BNIP2: variants seen among roughly 807,000 people sequenced by gnomAD.
The protein encoded by BNIP2 is BCL2 interacting protein 2, also known as BCL2/adenovirus E1B 19 kDa protein-interacting protein 2.
Under a neutral mutation model 43.4 loss-of-function variants are expected in BNIP2, and 36 were observed. That is an observed-to-expected ratio of 0.83 (90% confidence interval 0.64 to 1.10). The LOEUF is 1.10. Ranked by LOEUF, BNIP2 falls within the 50% of genes least tolerant of loss-of-function variation. The pLI is 0.00. For missense variants in BNIP2, 417 were observed against 374.1 expected (o/e 1.11, Z -0.95); for synonymous variants, 146 against 121.0 (o/e 1.21, Z -1.35).
chr15:59,668,511 AT>A (rs1892697005), intron 9 of BNIP2, among the ~76,000 whole-genome samples: 1 of 152,220 alleles, frequency 6.6e-6, no homozygotes, highest in Admixed American at 6.5e-5. Context: ...TAGCAATATG[AT>A]TATTCAATAA....
At chr15:59,677,454 A>C in intron 5 of BNIP2, 3 of 1,423,200 alleles carry the variant, frequency 2.1e-6, no homozygotes, top group Non-Finnish European at 2.8e-6. Flanking sequence ...TGCATCTCAG[A>C]GCCATAGAGC....
At chr15:59,677,301 G>A in intron 5 of BNIP2, 11 of 1,580,154 alleles carry the variant, frequency 7.0e-6, no homozygotes, top group Non-Finnish European at 9.5e-6. Flanking sequence ...ACACCAGAAA[G>A]CCACATCAAC....
chr15:59,677,459 T>C (rs1321242058), intron 5 of BNIP2: 4 of 1,421,920 alleles, frequency 2.8e-6, no homozygotes, highest in Non-Finnish European at 3.7e-6. Flanking sequence ...CTCAGAGCCA[T>C]AGAGCAGGTG....
intron 7 of BNIP2, among the ~76,000 whole-genome samples, chr15:59,670,809 C>T (rs1312459572): frequency 6.6e-6 from 1 of 152,138 alleles, no homozygotes; most frequent in Non-Finnish European, 1.5e-5. Context: ...CGCGGTGGCT[C>T]ACGCCTGTAA....
intron 4 of BNIP2, 193 bp downstream of exon 4, chr15:59,679,398 AG>A: frequency 2.1e-6 from 1 of 469,138 alleles, no homozygotes; most frequent in Non-Finnish European, 3.7e-6. Context: ...ACATGAGAGC[AG>A]TGGGCAAATA....
chr15:59,682,527 A>G lies in BNIP2; in HGVS notation c.-57-13T>C. The stretch of plus-strand genomic sequence containing the variant: ...GGGAGCCAATGTCCTATGAAGAGAG[A>G]AAAATGTATAACTTAATTTCCACTT... On this transcript the variant is annotated splice_polypyrimidine_tract_variant and intron_variant, in intron 1 of 9. Transcript: ENST00000607373. The G allele has an allele frequency of 6.3e-7, 1 of 1,579,224 alleles. No individual in the cohort carries two copies. The highest frequency in any genetic ancestry group is 8.6e-7 in the Non-Finnish European group (1 of 1,162,086).
intron 7 of BNIP2, among the ~76,000 whole-genome samples, chr15:59,670,516 C>T (rs912242772): frequency 2.0e-5 from 3 of 152,220 alleles, no homozygotes; most frequent in African/African-American, 4.8e-5. Flanking sequence ...AAACATACTA[C>T]ATTCTCCATC....
At chr15:59,678,784 A>T (rs1166887010) in intron 4 of BNIP2, 1 of 1,303,104 alleles carries the variant, frequency 7.7e-7, no homozygotes, top group South Asian at 1.2e-5. Context: ...ACTGCATGTT[A>T]GTTGTTTCCA....
At position 59,672,327 on chromosome 15, in the gene BNIP2, G is replaced by C. The variant is rs185418300; in HGVS notation, c.575+310C>G. 8 of 208,336 alleles carry C rather than the reference G, an allele frequency of 3.8e-5. No individual in the cohort carries two copies. The East Asian group carries it at 8.5e-4, about 22-fold the overall frequency. 12.9% of individuals were successfully genotyped at this position (208,336 alleles called of 1,614,324 possible). On this transcript the variant is annotated intron_variant, in intron 6 of 9. Coordinates refer to ENST00000607373, the MANE Select transcript of BNIP2 (RefSeq NM_004330.4). Reference sequence around the variant, plus strand: ...CTTACTCTGTCACCCAGGGTAGAGTGCAGTGGCAAAATCACAGTTCACTGC... The same window carrying C: ...CTTACTCTGTCACCCAGGGTAGAGTCCAGTGGCAAAATCACAGTTCACTGC...
rs571539689 is a variant in BNIP2, at chr15:59,676,217, C to G, written c.472+1694G>C. 7.2e-5 allele frequency among the ~76,000 whole-genome samples: 11 copies of G among 152,284 alleles called. No individual in the cohort carries two copies. In the East Asian group the frequency reaches 2.1e-3, roughly 29 times the overall value. Reference sequence around the variant, plus strand: ...TCAAAAACCAAAACAAAACAAAAAACTAGAGTGCAGTGGGATGATCACGGC... The same window carrying G: ...TCAAAAACCAAAACAAAACAAAAAAGTAGAGTGCAGTGGGATGATCACGGC... On this transcript the variant is annotated intron_variant, in intron 5 of 9. Coordinates refer to ENST00000607373, the MANE Select transcript of BNIP2 (RefSeq NM_004330.4).
intron 1 of BNIP2, among the ~76,000 whole-genome samples, chr15:59,687,730 C>A (rs576651029): frequency 8.5e-5 from 13 of 152,238 alleles, no homozygotes; most frequent in Non-Finnish European, 1.9e-4. Flanking sequence ...GTTCCTTCTA[C>A]CAGCATTACT....
At chr15:59,672,775 A>G (rs201169730) in intron 5 of BNIP2, 36 bp from the exon 6 acceptor site, 125 of 1,525,288 alleles carry the variant, frequency 8.2e-5, no homozygotes, top group Non-Finnish European at 5.3e-5. Flanking sequence ...CACCAGCACG[A>G]TTTTACTCTT....
At chr15:59,677,050 A>G in intron 5 of BNIP2, 2 of 1,611,532 alleles carry the variant, frequency 1.2e-6, no homozygotes, top group South Asian at 1.1e-5. Context: ...CTTGGCATTC[A>G]GATGACTTCA....
chr15:59,667,626 G>C (rs1892643464), intron 9 of BNIP2, among the ~76,000 whole-genome samples: 1 of 152,118 alleles, frequency 6.6e-6, no homozygotes, highest in Non-Finnish European at 1.5e-5. Context: ...TTTAATTTAA[G>C]CATAAAAGGA....
chr15:59,673,297 G>A (rs978196215), intron 5 of BNIP2, among the ~76,000 whole-genome samples: 9 of 151,168 alleles, frequency 6.0e-5, no homozygotes, highest in African/African-American at 1.9e-4. Context: ...TGTATTTTTA[G>A]TAGAGATGGG....
In BNIP2 at chr15:59,663,644, CT is replaced by C. The variant is rs1416758253; in HGVS notation, c.*424del. ...AATATGCACTTTAGAAAATCGTGGT[CT>C]TATATACCTGCATATTTCTTCCATA... On this transcript the variant is annotated 3_prime_UTR_variant, in exon 10 of 10. Coordinates refer to ENST00000607373, the MANE Select transcript of BNIP2 (RefSeq NM_004330.4). 6.5e-6 allele frequency: 1 copy of C among 153,120 alleles called. No individual in the cohort carries two copies. Among genetic ancestry groups the C allele is most frequent in the Non-Finnish European group, 1.5e-5 (1 of 68,468 alleles). 9.5% of individuals were successfully genotyped at this position (153,120 alleles called of 1,614,324 possible). A position where few individuals can be genotyped will look rare whatever the true frequency, so the allele number is the denominator to read the frequency against.
intron 9 of BNIP2, among the ~76,000 whole-genome samples, chr15:59,667,477 T>G (rs564942181): frequency 6.6e-6 from 1 of 152,220 alleles, no homozygotes; most frequent in African/African-American, 2.4e-5. Context: ...AAGGTATCAA[T>G]AGATAATAGT....
chr15:59,682,740 C>T (rs1290852672), intron 1 of BNIP2, among the ~76,000 whole-genome samples: 1 of 151,408 alleles, frequency 6.6e-6, no homozygotes, highest in Non-Finnish European at 1.5e-5. Context: ...GGATACTGTT[C>T]AGTGAAAATA....
chr15:59,669,370 T>TA lies in BNIP2; in HGVS notation c.708-9_708-8insT. ...TTTAGATTTTTCCGTAACCTGGAGTTTAAAAAAAAAACACACACACACAAA... is the reference window on the plus strand; with the variant it reads ...TTTAGATTTTTCCGTAACCTGGAGTTATAAAAAAAAAACACACACACACAAA... On this transcript the variant is annotated splice_polypyrimidine_tract_variant and intron_variant, in intron 7 of 9. Transcript: ENST00000607373. The TA allele has an allele frequency of 6.8e-7, 1 of 1,475,502 alleles. No individual in the cohort carries two copies. Among genetic ancestry groups the TA allele is most frequent in the Non-Finnish European group, 9.1e-7 (1 of 1,104,026 alleles). 91.4% of individuals were successfully genotyped at this position (1,475,502 alleles called of 1,614,324 possible). A position where few individuals can be genotyped will look rare whatever the true frequency, so the allele number is the denominator to read the frequency against.
Sources: gnomAD v4.1 joint callset for allele counts (sites outside exome capture counted in the v4.1 genomes callset) on GRCh38, gnomAD v4.1.1 for gene constraint, MANE v1.5 for transcripts, NCBI Gene and HGNC (gene_info 2026-07-23, HGNC 2026-07-21) for gene names.